The following UBE2L3 variants were observed in gnomAD, a reference collection of about 807,000 sequenced individuals.
UBE2L3 encodes the protein ubiquitin conjugating enzyme E2 L3.
In UBE2L3, 1 loss-of-function variant was observed where a neutral mutation model predicts 17.8. The ratio of observed to expected loss-of-function variants is 0.06; its 90% CI spans 0.02 to 0.27. The LOEUF is 0.27. Among genes scored for constraint, UBE2L3 ranks in the 10% least tolerant of loss-of-function variants. The pLI is 1.00. For missense variants in UBE2L3, 40 were observed against 192.6 expected, an observed-to-expected ratio of 0.21 and a Z score of 4.69; for synonymous variants, 44 against 68.5, an observed-to-expected ratio of 0.64 and a Z score of 1.76.
chr22:21,570,442 G>A (rs1926899569), intron 1 of UBE2L3, among the ~76,000 whole-genome samples: 1 of 152,160 alleles, frequency 6.6e-6, no homozygotes, highest in Non-Finnish European at 1.5e-5. Flanking sequence ...TTTTATAAAT[G>A]AGGACATTGT....
intron 2 of UBE2L3, among the ~76,000 whole-genome samples, chr22:21,607,535 AAAG>A (rs2148438505): frequency 6.6e-6 from 1 of 151,274 alleles, no homozygotes; most frequent in Admixed American, 6.6e-5. Context: ...AAAAAAAAAA[AAAG>A]ATTGTTCTTG....
chr22:21,563,470 G>A (rs1926522154), upstream of UBE2L3, among the ~76,000 whole-genome samples: 1 of 145,240 alleles, frequency 6.9e-6, no homozygotes, highest in Non-Finnish European at 1.5e-5. Context: ...GCTGAGGCGG[G>A]AGAATGGCGT....
intron 2 of UBE2L3, among the ~76,000 whole-genome samples, chr22:21,609,187 G>A (rs1013475685): frequency 2.0e-5 from 3 of 151,688 alleles, no homozygotes; most frequent in African/African-American, 7.3e-5. Context: ...GTGAGCCACC[G>A]CGCCCGGCCG....
chr22:21,602,758 G>C lies in UBE2L3; in HGVS notation c.124-8099G>C, dbSNP rs150197755. Among the ~76,000 whole-genome samples the C allele has an allele frequency of 1.6e-3, 250 of 152,314 alleles. 1 individual carries two copies. The highest frequency in any genetic ancestry group is 5.8e-3 in the African/African-American group (241 of 41,560). On this transcript the variant is annotated intron_variant, in intron 2 of 3. Coordinates refer to ENST00000342192, the MANE Select transcript of UBE2L3 (RefSeq NM_003347.4). Reference sequence around the variant, plus strand: ...TTTTACCCTACTTGCAGCCTGAAAAGGTGTCCTGCCAATTTATTGGATGTT... The same window carrying C: ...TTTTACCCTACTTGCAGCCTGAAAACGTGTCCTGCCAATTTATTGGATGTT...
chr22:21,584,703 A>G (rs1927840457), intron 1 of UBE2L3, among the ~76,000 whole-genome samples: 1 of 149,140 alleles, frequency 6.7e-6, no homozygotes, highest in Non-Finnish European at 1.5e-5. Flanking sequence ...AAGTGCTGGG[A>G]TTACAGGAGC....
chr22:21,615,935 G>A (rs545271804), intron 3 of UBE2L3, among the ~76,000 whole-genome samples: 130 of 152,316 alleles, frequency 8.5e-4, no homozygotes, highest in Non-Finnish European at 1.5e-3. Context: ...ACGTGGTGCT[G>A]AAGTGCTGTC....
chr22:21,568,245 T>A (rs1926754268), intron 1 of UBE2L3: 1 of 987,242 alleles, frequency 1.0e-6, no homozygotes, highest in African/African-American at 1.7e-5. Context: ...AGCTCGGGAG[T>A]CTGGGAGGTT....
chr22:21,551,780 G>A (rs2148385716), intron 1 of UBE2L3, among the ~76,000 whole-genome samples: 1 of 24,628 alleles, frequency 4.1e-5, no homozygotes, highest in South Asian at 9.0e-4. Context: ...CTACTCATTG[G>A]CATCTTAGGT....
chr22:21,592,047 C>T (rs1928292861), intron 1 of UBE2L3, among the ~76,000 whole-genome samples: 1 of 152,128 alleles, frequency 6.6e-6, no homozygotes, highest in East Asian at 1.9e-4. Flanking sequence ...AAACAGGTGA[C>T]AGACAGTTCT....
At chr22:21,602,215 C>T (rs759465927) in intron 2 of UBE2L3, among the ~76,000 whole-genome samples, 2 of 152,144 alleles carry the variant, frequency 1.3e-5, no homozygotes, top group Non-Finnish European at 2.9e-5. Flanking sequence ...GACAACAGTG[C>T]ACAGGACCCT....
Position 21,621,984 on chromosome 22 carries a change from G to T in UBE2L3, c.*315G>T. The T allele has an allele frequency of 4.1e-6, 1 of 242,778 alleles. No individual in the cohort carries two copies. Among genetic ancestry groups the T allele is most frequent in the South Asian group, 6.3e-5 (1 of 15,928 alleles). The allele number at this position is 242,778 out of a possible 1,614,324, so 15.0% of individuals were successfully genotyped here. A position where few individuals can be genotyped will look rare whatever the true frequency, so the allele number is the denominator to read the frequency against. On this transcript the variant is annotated 3_prime_UTR_variant, in exon 4 of 4. Coordinates refer to ENST00000342192, the MANE Select transcript of UBE2L3 (RefSeq NM_003347.4). Reference sequence around the variant, plus strand: ...TCTTCAAGTTACATTTAACCCATAAGGTTTAAAAAAAAGGAAAAAAAACGG... The same window carrying T: ...TCTTCAAGTTACATTTAACCCATAATGTTTAAAAAAAAGGAAAAAAAACGG...
chr22:21,558,629 C>CAAA (rs131645), intron 1 of UBE2L3, among the ~76,000 whole-genome samples: 12 of 77,036 alleles, frequency 1.6e-4, no homozygotes, highest in East Asian at 4.6e-4. Flanking sequence ...GACTCTGTCT[C>CAAA]AAAAAAAAAA....
At chr22:21,567,590 C>T, upstream of UBE2L3, 3 of 1,466,068 alleles carry the variant, frequency 2.0e-6, no homozygotes, top group East Asian at 5.0e-5. Context: ...CGTTCCTCCA[C>T]GCGCCCCCCA....
At chr22:21,588,958 G>A (rs1200679398) in intron 1 of UBE2L3, among the ~76,000 whole-genome samples, 4 of 152,018 alleles carry the variant, frequency 2.6e-5, no homozygotes, top group South Asian at 4.2e-4. Flanking sequence ...CACTGCACCC[G>A]GGCTGTATTT....
chr22:21,577,395 G>A (rs1044602351), intron 1 of UBE2L3, among the ~76,000 whole-genome samples: 2 of 152,186 alleles, frequency 1.3e-5, no homozygotes, highest in South Asian at 4.1e-4. Context: ...GTGAGCTACC[G>A]CACCCAGCCC....
Position 21,623,253 on chromosome 22 carries a change from G to T in UBE2L3, c.*1584G>T, listed in dbSNP as rs907180429. 17 of 152,446 alleles carry T rather than the reference G, an allele frequency of 1.1e-4. No homozygotes were observed. Among genetic ancestry groups the T allele is most frequent in the African/African-American group, 3.9e-4 (16 of 41,446 alleles). 9.4% of individuals were successfully genotyped at this position (152,446 alleles called of 1,614,324 possible). On this transcript the variant is annotated 3_prime_UTR_variant, in exon 4 of 4. Coordinates refer to ENST00000342192, the MANE Select transcript of UBE2L3 (RefSeq NM_003347.4). ...TGCAGAAGTGGGGAGTGATGGGCAG[G>T]TTCGGCAGCCTAACATTGTTCAGGC...
At chr22:21,567,634 C>G (rs1926698082), upstream of UBE2L3, 3 of 1,542,670 alleles carry the variant, frequency 1.9e-6, no homozygotes, top group African/African-American at 2.7e-5. Context: ...GTGCTCCGCT[C>G]TGCTCCTGTG....
chr22:21,567,662 T>A, upstream of UBE2L3: 13 of 1,548,168 alleles, frequency 8.4e-6, no homozygotes, highest in Non-Finnish European at 1.1e-5. Flanking sequence ...CCGCGGCCCC[T>A]CCCCCGCTCC....
chr22:21,575,631 CTTTTTTTTTTTTTTTT>C (rs533923826), intron 1 of UBE2L3, among the ~76,000 whole-genome samples: 2 of 73,392 alleles, frequency 2.7e-5, no homozygotes, highest in African/African-American at 1.2e-4. Context: ...AGTTGAATAG[CTTTTTTTTTTTTTTTT>C]TTTTTTTTTT....
Sources: allele counts gnomAD v4.1 joint callset (sites outside exome capture counted in the v4.1 genomes callset), GRCh38; gene constraint gnomAD v4.1.1; transcripts MANE v1.5; gene names NCBI Gene and HGNC (gene_info 2026-07-23, HGNC 2026-07-21).